CTBP2: variants seen among roughly 807,000 people sequenced by gnomAD.
The protein encoded by CTBP2 is C-terminal binding protein 2.
CTBP2 carries 30 observed loss-of-function variants against 80.3 expected under a neutral mutation model. The ratio of observed to expected loss-of-function variants is 0.37; its 90% CI spans 0.28 to 0.51. The LOEUF is 0.51. Among genes scored for constraint, CTBP2 ranks in the 20% least tolerant of loss-of-function variants. The probability of loss-of-function intolerance (pLI) is 0.93; values close to 1 mark genes in which losing one functional copy is unlikely to be tolerated. For missense variants in CTBP2, 1,212 were observed against 1,375.3 expected (o/e 0.88, Z 1.88); for synonymous variants, 594 against 587.4 (o/e 1.01, Z -0.16).
chr10:125,131,454 A>C (rs1291918834), intron 1 of CTBP2, among the ~76,000 whole-genome samples: 1 of 152,206 alleles, frequency 6.6e-6, no homozygotes, highest in Non-Finnish European at 1.5e-5. Flanking sequence ...TACAGGACTC[A>C]GTGAATAAAT....
intron 2 of CTBP2, among the ~76,000 whole-genome samples, chr10:125,093,462 T>G (rs1590721441): frequency 1.3e-5 from 2 of 152,156 alleles, no homozygotes; most frequent in East Asian, 3.8e-4. Context: ...AAAGGCACAA[T>G]GGTTAAAATG....
At chr10:125,046,964 A>T (rs1961411465) in intron 2 of CTBP2, among the ~76,000 whole-genome samples, 1 of 152,250 alleles carries the variant, frequency 6.6e-6, no homozygotes, top group Non-Finnish European at 1.5e-5. Flanking sequence ...AGACTTGAGC[A>T]GAAAGAATTT....
At chr10:125,131,638 C>G (rs1217436181) in intron 1 of CTBP2, among the ~76,000 whole-genome samples, 2 of 152,114 alleles carry the variant, frequency 1.3e-5, no homozygotes, top group African/African-American at 4.8e-5. Context: ...AACAAACAAG[C>G]CTAAAATTGT....
At chr10:125,071,701 AG>A (rs1422038130) in intron 2 of CTBP2, among the ~76,000 whole-genome samples, 1 of 152,202 alleles carries the variant, frequency 6.6e-6, no homozygotes, top group Non-Finnish European at 1.5e-5. Context: ...AACGCTTAGA[AG>A]AAAGACAGTA....
intron 1 of CTBP2, among the ~76,000 whole-genome samples, chr10:125,154,743 G>C (rs995555190): frequency 6.6e-6 from 1 of 152,190 alleles, no homozygotes; most frequent in Non-Finnish European, 1.5e-5. Flanking sequence ...TAGAAAGTGA[G>C]GGGCCAGGAA....
At chr10:125,124,713 CAT>C (rs1854928758) in intron 1 of CTBP2, among the ~76,000 whole-genome samples, 1 of 152,148 alleles carries the variant, frequency 6.6e-6, no homozygotes, top group South Asian at 2.1e-4. Context: ...TTTGATTAAA[CAT>C]ATTTATGTCT....
chr10:125,064,703 C>G (rs1220256787), intron 2 of CTBP2, among the ~76,000 whole-genome samples: 2 of 152,216 alleles, frequency 1.3e-5, no homozygotes, highest in Non-Finnish European at 2.9e-5. Flanking sequence ...TGACTATCCA[C>G]CCAGGAGACT....
chr10:125,023,156 G>C (rs1021545022), intron 1 of CTBP2, among the ~76,000 whole-genome samples: 1 of 152,204 alleles, frequency 6.6e-6, no homozygotes, highest in Non-Finnish European at 1.5e-5. Flanking sequence ...CTCAGGCAGT[G>C]ACCCTAAGCA....
intron 2 of CTBP2, among the ~76,000 whole-genome samples, chr10:125,052,100 C>T (rs564497144): frequency 5.3e-5 from 8 of 152,306 alleles, no homozygotes; most frequent in Middle Eastern, 3.4e-3. Context: ...TGCCAACAGA[C>T]GGGAGGCTCG....
At position 125,066,874 on chromosome 10, in the gene CTBP2, C is replaced by T. The variant is rs1259744556; in HGVS notation, c.-101-27719G>A. 3.3e-5 allele frequency among the ~76,000 whole-genome samples: 5 copies of T among 152,158 alleles called. No homozygotes were observed. The highest frequency in any genetic ancestry group is 6.5e-5 in the Admixed American group (1 of 15,278). ...AGTCTCCAGGGAAGCCCAGTGTGTG[C>T]GACGTGCCTCTTCCTATCTCCCCTG... On this transcript the variant is annotated intron_variant, in intron 2 of 10. Transcript: ENST00000337195. The surrounding 1 kb of genome is among the most constrained non-coding windows in gnomAD (Gnocchi z 4.1).
chr10:125,017,926 G>C (rs1956655600), intron 1 of CTBP2, among the ~76,000 whole-genome samples: 1 of 152,226 alleles, frequency 6.6e-6, no homozygotes, highest in South Asian at 2.1e-4. Flanking sequence ...GAGCCTCAGA[G>C]CCCATCATGA....
chr10:124,998,103 G>A lies in CTBP2; in HGVS notation c.2046C>T (p.Ile682=), dbSNP rs76229685. The A allele has an allele frequency of 2.5e-6, 4 of 1,612,592 alleles. No homozygotes were observed. The highest frequency in any genetic ancestry group is 2.2e-5 in the East Asian group (1 of 44,852). The change falls in exon 4 of 9, where the codon ATC becomes ATT. Residue 682 remains isoleucine (I), a synonymous_variant. Coordinates refer to ENST00000309035, the MANE Select transcript of CTBP2 (RefSeq NM_022802.3). Reference sequence around the variant, plus strand: ...ACGTGTTCCTCCGGTACAGGTTGAGGATGTGGCAGATGGTAGAGTCCGCTG... The same window carrying A: ...ACGTGTTCCTCCGGTACAGGTTGAGAATGTGGCAGATGGTAGAGTCCGCTG...
chr10:124,998,542 A>C, intron 3 of CTBP2: 1 of 312,112 alleles, frequency 3.2e-6, no homozygotes, highest in Non-Finnish European at 6.1e-6. Flanking sequence ...CTCCAAGTGG[A>C]CCCCACTCAG....
At chr10:125,029,278 G>A (rs1027205832), upstream of CTBP2, among the ~76,000 whole-genome samples, 3 of 136,882 alleles carry the variant, frequency 2.2e-5, no homozygotes, top group Admixed American at 7.8e-5. Context: ...AGTTTTGCTC[G>A]TTTCTCAGGC....
chr10:125,078,285 A>G (rs1293064279), intron 2 of CTBP2, among the ~76,000 whole-genome samples: 1 of 149,984 alleles, frequency 6.7e-6, no homozygotes, highest in Admixed American at 6.6e-5. Context: ...GTCTCAAAAA[A>G]AAAAAAAAAA....
chr10:125,103,131 T>A (rs554659773), intron 2 of CTBP2, among the ~76,000 whole-genome samples: 1 of 152,108 alleles, frequency 6.6e-6, no homozygotes, highest in South Asian at 2.1e-4. Flanking sequence ...CCTGAACAGG[T>A]AGTATAACAT....
At chr10:125,147,864 T>C (rs1859070666) in intron 1 of CTBP2, among the ~76,000 whole-genome samples, 1 of 151,430 alleles carries the variant, frequency 6.6e-6, no homozygotes, top group Non-Finnish European at 1.5e-5. Flanking sequence ...GCCACTGCAC[T>C]CCAAGCCTCG....
At chr10:125,161,336 G>T (rs1861878283), upstream of CTBP2, among the ~76,000 whole-genome samples, 2 of 152,072 alleles carry the variant, frequency 1.3e-5, no homozygotes, top group Non-Finnish European at 2.9e-5. Context: ...GTGGCTCGGG[G>T]TCCGCTGCTC....
At chr10:125,042,503 C>G (rs1055489642) in intron 2 of CTBP2, among the ~76,000 whole-genome samples, 2 of 152,232 alleles carry the variant, frequency 1.3e-5, no homozygotes, top group Admixed American at 6.5e-5. Flanking sequence ...TTTCACTATT[C>G]CACTTCTGCT....
Sources: gnomAD v4.1 joint callset for allele counts (sites outside exome capture counted in the v4.1 genomes callset) on GRCh38, gnomAD v4.1.1 for gene constraint, Gnocchi (gnomAD v3.1) non-coding constraint, MANE v1.5 for transcripts, NCBI Gene and HGNC (gene_info 2026-07-23, HGNC 2026-07-21) for gene names.